CLVS2: variants seen among roughly 807,000 people sequenced by gnomAD.
CLVS2 encodes the protein clavesin 2, also known as clavesin-2.
CLVS2 carries 19 observed loss-of-function variants against 29.0 expected under a neutral mutation model. That is an observed-to-expected ratio of 0.66 (90% confidence interval 0.46 to 0.96). CLVS2 has a LOEUF of 0.96. Among genes scored for constraint, CLVS2 ranks in the 40% least tolerant of loss-of-function variants. The pLI is 0.00. For missense variants in CLVS2, 294 were observed against 404.1 expected (o/e 0.73, Z 2.34); for synonymous variants, 161 against 151.3 (o/e 1.06, Z -0.47).
rs1772921547 is a variant in CLVS2, at chr6:123,070,186, G to GAT, written c.*6428_*6429dup. ...AACAATTTTAATTGGATGGCTAATG[G>GAT]ATATGGCGGATTTAACATTTACAAA... On this transcript the variant is annotated 3_prime_UTR_variant, in exon 6 of 6. Coordinates refer to ENST00000275162, the MANE Select transcript of CLVS2 (RefSeq NM_001010852.4). 1 of 151,842 alleles carries GAT rather than the reference G, an allele frequency of 6.6e-6. No homozygotes were observed. Among genetic ancestry groups the GAT allele is most frequent in the Non-Finnish European group, 1.5e-5 (1 of 67,890 alleles). The allele number at this position is 151,842 out of a possible 1,614,324, so 9.4% of individuals were successfully genotyped here. A position where few individuals can be genotyped will look rare whatever the true frequency, so the allele number is the denominator to read the frequency against.
Position 123,055,997 on chromosome 6 carries a change from G to A in CLVS2, c.867G>A (p.Glu289=). Residue 289 remains glutamate, a synonymous_variant, in exon 5 of 6, where the codon GAG becomes GAA. Transcript: ENST00000275162. The part of the protein sequence containing the change: ...DSYSMPVKEV[E]KELSPKSMKR... ...ACAGCATGCCTGTGAAGGAAGTAGAGAAGGAACTCTCCCCAAAGTCCATGA... is the reference window on the plus strand; with the variant it reads ...ACAGCATGCCTGTGAAGGAAGTAGAAAAGGAACTCTCCCCAAAGTCCATGA... 3 of 1,613,656 alleles carry A rather than the reference G, an allele frequency of 1.9e-6. No individual in the cohort carries two copies. The highest frequency in any genetic ancestry group is 2.5e-6 in the Non-Finnish European group (3 of 1,179,754).
At chr6:123,033,934 C>G (rs1775115546) in intron 3 of CLVS2, among the ~76,000 whole-genome samples, 1 of 152,152 alleles carries the variant, frequency 6.6e-6, no homozygotes, top group South Asian at 2.1e-4. Context: ...AAGGAAGAGA[C>G]ACAGATGGCA....
intron 2 of CLVS2, among the ~76,000 whole-genome samples, chr6:123,006,410 G>A (rs1774669950): frequency 6.6e-6 from 1 of 152,086 alleles, no homozygotes; most frequent in Non-Finnish European, 1.5e-5. Flanking sequence ...GCCAATTAAT[G>A]TTTTAGGACA....
chr6:123,021,605 G>A (rs909824612), intron 3 of CLVS2, among the ~76,000 whole-genome samples: 4 of 151,938 alleles, frequency 2.6e-5, no homozygotes, highest in Non-Finnish European at 4.4e-5. Context: ...ATATGCAGTT[G>A]TAAGTAATAA....
chr6:123,008,039 G>A (rs1299253520), intron 2 of CLVS2, among the ~76,000 whole-genome samples: 1 of 152,074 alleles, frequency 6.6e-6, no homozygotes, highest in Non-Finnish European at 1.5e-5. Flanking sequence ...ACAGATTCTG[G>A]CAAGATCCTG....
At chr6:123,004,583 C>T (rs997942811) in intron 2 of CLVS2, among the ~76,000 whole-genome samples, 1 of 152,196 alleles carries the variant, frequency 6.6e-6, no homozygotes. Flanking sequence ...ACTTCCTGAT[C>T]TCCTATTTTC....
At chr6:123,031,201 GT>G (rs1158904262) in intron 3 of CLVS2, among the ~76,000 whole-genome samples, 1 of 152,058 alleles carries the variant, frequency 6.6e-6, no homozygotes, top group Non-Finnish European at 1.5e-5. Flanking sequence ...AAACTCCTGG[GT>G]TCAAGTGATC....
intron 2 of CLVS2, among the ~76,000 whole-genome samples, chr6:123,006,878 G>A (rs1490101180): frequency 6.6e-6 from 1 of 152,084 alleles, no homozygotes; most frequent in African/African-American, 2.4e-5. Context: ...TATGATGACA[G>A]CAGGGGAACA....
intron 3 of CLVS2, among the ~76,000 whole-genome samples, chr6:123,019,327 G>A (rs1774889545): frequency 6.6e-6 from 1 of 151,994 alleles, no homozygotes. Flanking sequence ...GCACTGTAAG[G>A]GGTGTTTTGC....
rs60372312 is a variant in CLVS2, at chr6:123,021,051, T to TGG, written c.564+9899_564+9900dup. 1.3e-3 allele frequency among the ~76,000 whole-genome samples: 198 copies of TGG among 148,462 alleles called. 1 individual carries two copies. The highest frequency in any genetic ancestry group is 0.013 in the East Asian group (65 of 5,012). ...CATTGTTCACTTATCTGAAAGAGTA[T>TGG]GGGGGGGGTAAAATTGCAGAATATT... On this transcript the variant is annotated intron_variant, in intron 3 of 5. Coordinates refer to ENST00000275162, the MANE Select transcript of CLVS2 (RefSeq NM_001010852.4).
chr6:123,029,984 C>T (rs73543776), intron 3 of CLVS2, among the ~76,000 whole-genome samples: 111 of 152,288 alleles, frequency 7.3e-4, no homozygotes, highest in African/African-American at 2.4e-3. Flanking sequence ...AGATGCATCA[C>T]CTTCACTTAG....
At chr6:122,998,239 T>C (rs1193664297) in intron 2 of CLVS2, 73 bp downstream of exon 2, 3 of 1,477,410 alleles carry the variant, frequency 2.0e-6, no homozygotes, top group Admixed American at 2.1e-5. Flanking sequence ...AGTAGTGTCA[T>C]GGTTTTGTAG....
At chr6:123,038,662 AT>A (rs918131213) in intron 3 of CLVS2, among the ~76,000 whole-genome samples, 2 of 151,986 alleles carry the variant, frequency 1.3e-5, no homozygotes, top group South Asian at 2.1e-4. Flanking sequence ...TAAATAAATT[AT>A]TTTTTCCTAA....
intron 3 of CLVS2, among the ~76,000 whole-genome samples, chr6:123,016,173 G>T (rs745811802): frequency 6.6e-6 from 1 of 151,612 alleles, no homozygotes; most frequent in Non-Finnish European, 1.5e-5. Context: ...TAACTGATTA[G>T]GGTAGTCATA....
At position 123,063,635 on chromosome 6, in the gene CLVS2, C is replaced by G. The variant is rs763333724; in HGVS notation, c.897-39C>G. 8.6e-6 allele frequency: 10 copies of G among 1,169,514 alleles called. No homozygotes were observed. The African/African-American group carries it at 1.1e-4, about 13-fold the overall frequency. 72.4% of individuals were successfully genotyped at this position (1,169,514 alleles called of 1,614,324 possible). The stretch of plus-strand genomic sequence containing the variant: ...GAGAGAATGTCATCTGCACAATTAC[C>G]TGGTAATAACTCACTGACGTTGGCT... On this transcript the variant is annotated intron_variant, in intron 5 of 5. Transcript: ENST00000275162.
In CLVS2 at chr6:123,064,535, C is replaced by T. The variant is rs911028626; in HGVS notation, c.*774C>T. The stretch of plus-strand genomic sequence containing the variant: ...ATTTCTTCCTAATGTACTCTAAGTA[C>T]ATTTCCCCTCCAAAACTCTTTGACT... On this transcript the variant is annotated 3_prime_UTR_variant, in exon 6 of 6. Coordinates refer to ENST00000275162, the MANE Select transcript of CLVS2 (RefSeq NM_001010852.4). 5 of 151,900 alleles carry T rather than the reference C, an allele frequency of 3.3e-5. No individual in the cohort carries two copies. Among genetic ancestry groups the T allele is most frequent in the African/African-American group, 1.2e-4 (5 of 41,412 alleles). The allele number at this position is 151,900 out of a possible 1,614,324, so 9.4% of individuals were successfully genotyped here.
chr6:123,067,266 A>G lies in CLVS2; in HGVS notation c.*3505A>G, dbSNP rs922269758. The G allele has an allele frequency of 6.6e-6, 1 of 151,656 alleles. No individual in the cohort carries two copies. The highest frequency in any genetic ancestry group is 2.4e-5 in the African/African-American group (1 of 41,388). 9.4% of individuals were successfully genotyped at this position (151,656 alleles called of 1,614,324 possible). On this transcript the variant is annotated 3_prime_UTR_variant, in exon 6 of 6. Transcript: ENST00000275162. ...CCTCTATTGCATCAAGAAATTGGAG[A>G]GTTGTTTTAGACATTGGGGAATATG...
intron 3 of CLVS2, among the ~76,000 whole-genome samples, chr6:123,030,522 G>T (rs541979299): frequency 1.3e-5 from 2 of 152,260 alleles, no homozygotes; most frequent in South Asian, 2.1e-4. Context: ...GAGCATAAAG[G>T]TCAGCCCTAT....
intron 3 of CLVS2, among the ~76,000 whole-genome samples, chr6:123,034,946 A>C (rs996424236): frequency 2.0e-5 from 3 of 152,158 alleles, no homozygotes; most frequent in Non-Finnish European, 2.9e-5. Context: ...TGACTGGTGT[A>C]AAGTAAAAAT....
Sources: gnomAD v4.1 joint callset for allele counts (sites outside exome capture counted in the v4.1 genomes callset) on GRCh38, gnomAD v4.1.1 for gene constraint, MANE v1.5 for transcripts, NCBI Gene and HGNC (gene_info 2026-07-23, HGNC 2026-07-21) for gene names.